The following ENOX1 variants were observed in gnomAD, a reference collection of about 807,000 sequenced individuals.
ENOX1 encodes ecto-NOX disulfide-thiol exchanger 1.
Under a neutral mutation model 82.5 loss-of-function variants are expected in ENOX1, and 42 were observed. The observed-to-expected ratio is 0.51, with a 90% CI of 0.40 to 0.66. The LOEUF is 0.66. Among genes scored for constraint, ENOX1 ranks in the 30% least tolerant of loss-of-function variants. The pLI, the probability that ENOX1 is intolerant of heterozygous loss-of-function variation, is 0.00. For synonymous variants in ENOX1, 271 were observed against 282.2 expected, an observed-to-expected ratio of 0.96 and a Z score of 0.40; for missense variants, 608 against 811.6, an observed-to-expected ratio of 0.75 and a Z score of 3.05.
intron 2 of ENOX1, among the ~76,000 whole-genome samples, chr13:43,629,765 C>A (rs979397882): frequency 2.6e-4 from 39 of 152,322 alleles, no homozygotes; most frequent in African/African-American, 9.4e-4. Flanking sequence ...GCCCTCACAT[C>A]TGCCATTTTA....
chr13:43,365,498 G>C (rs1400942464), intron 5 of ENOX1, among the ~76,000 whole-genome samples: 1 of 152,214 alleles, frequency 6.6e-6, no homozygotes, highest in African/African-American at 2.4e-5. Context: ...AGGTCCAGGT[G>C]GGGCAGCTGC....
At chr13:43,401,812 C>T (rs1334462606) in intron 5 of ENOX1, among the ~76,000 whole-genome samples, 1 of 152,172 alleles carries the variant, frequency 6.6e-6, no homozygotes, top group Non-Finnish European at 1.5e-5. Flanking sequence ...AGTCTAAAGG[C>T]TGCTTAGATC....
chr13:43,575,962 A>T (rs1351794436), intron 2 of ENOX1, among the ~76,000 whole-genome samples: 1 of 152,240 alleles, frequency 6.6e-6, no homozygotes, highest in Admixed American at 6.5e-5. Context: ...AAACTAAAAA[A>T]CAACTAAAAG....
chr13:43,357,211 T>A (rs974727874), intron 7 of ENOX1, among the ~76,000 whole-genome samples: 1 of 152,072 alleles, frequency 6.6e-6, no homozygotes, highest in African/African-American at 2.4e-5. Flanking sequence ...TATGGGGGCT[T>A]TGCAAATGAG....
chr13:43,480,782 T>C (rs1324133128), intron 3 of ENOX1, among the ~76,000 whole-genome samples: 2 of 152,038 alleles, frequency 1.3e-5, no homozygotes, highest in African/African-American at 4.8e-5. Context: ...ACACACAACC[T>C]ACCAAGACTA....
chr13:43,285,896 C>T (rs1369286564), intron 12 of ENOX1, among the ~76,000 whole-genome samples: 1 of 148,256 alleles, frequency 6.7e-6, no homozygotes, highest in Non-Finnish European at 1.5e-5. Context: ...GTCCCCCCAT[C>T]AAATTTCTCC....
chr13:43,564,451 G>C (rs893858309), intron 2 of ENOX1, among the ~76,000 whole-genome samples: 37 of 151,940 alleles, frequency 2.4e-4, no homozygotes, highest in African/African-American at 8.4e-4. Flanking sequence ...AAAGAAAAAA[G>C]AAATGCAATG....
At chr13:43,639,878 C>T (rs1464442247) in intron 2 of ENOX1, among the ~76,000 whole-genome samples, 2 of 151,996 alleles carry the variant, frequency 1.3e-5, no homozygotes, top group South Asian at 2.1e-4. Context: ...AAAATATGAA[C>T]ATTAGCCAGG....
At chr13:43,675,344 G>A (rs907416580) in intron 1 of ENOX1, among the ~76,000 whole-genome samples, 4 of 152,188 alleles carry the variant, frequency 2.6e-5, no homozygotes, top group African/African-American at 9.6e-5. Flanking sequence ...CATGCACTGA[G>A]ATGGGGAAAA....
chr13:43,766,205 C>T (rs1345571190), intron 1 of ENOX1, among the ~76,000 whole-genome samples: 2 of 152,112 alleles, frequency 1.3e-5, no homozygotes, highest in East Asian at 3.9e-4. Flanking sequence ...TCTGGAAAAA[C>T]AGGTCCCTGA....
intron 5 of ENOX1, among the ~76,000 whole-genome samples, chr13:43,411,658 C>G (rs1012456458): frequency 7.2e-5 from 11 of 152,094 alleles, no homozygotes; most frequent in African/African-American, 2.7e-4. Context: ...TTCTATTTAC[C>G]AATTTTAAAA....
At chr13:43,464,656 C>A (rs1263989265) in intron 3 of ENOX1, among the ~76,000 whole-genome samples, 1 of 152,264 alleles carries the variant, frequency 6.6e-6, no homozygotes, top group African/African-American at 2.4e-5. Flanking sequence ...ACATACTCCT[C>A]CCCCACTTTC....
intron 5 of ENOX1, among the ~76,000 whole-genome samples, chr13:43,392,254 AC>A (rs1359568469): frequency 1.3e-5 from 2 of 152,228 alleles, no homozygotes; most frequent in Non-Finnish European, 2.9e-5. Flanking sequence ...CAATCAGTTT[AC>A]TTGTTTACTA....
chr13:43,346,588 A>G (rs773937775), intron 8 of ENOX1, among the ~76,000 whole-genome samples: 116 of 152,202 alleles, frequency 7.6e-4, no homozygotes, highest in South Asian at 1.5e-3. Flanking sequence ...ATTTCAGTCT[A>G]AGTTCAACCC....
intron 2 of ENOX1, among the ~76,000 whole-genome samples, chr13:43,491,529 G>A (rs1258565619): frequency 6.6e-6 from 1 of 152,168 alleles, no homozygotes; most frequent in Non-Finnish European, 1.5e-5. Context: ...AGCACTCTGG[G>A]AGGCTGAGGA....
At chr13:43,364,259 A>G (rs545367206) in intron 5 of ENOX1, among the ~76,000 whole-genome samples, 32 of 152,362 alleles carry the variant, frequency 2.1e-4, no homozygotes, top group East Asian at 7.7e-4. Context: ...AATCAGTTCC[A>G]TGCCCTGTTA....
chr13:43,716,723 C>T (rs536905718), intron 1 of ENOX1, among the ~76,000 whole-genome samples: 76 of 152,008 alleles, frequency 5.0e-4, no homozygotes, highest in Non-Finnish European at 9.0e-4. Flanking sequence ...CAGTAGCAGT[C>T]CTATACAGCT....
chr13:43,494,823 CAGTT>C (rs2076739181), intron 2 of ENOX1, among the ~76,000 whole-genome samples: 3 of 151,906 alleles, frequency 2.0e-5, no homozygotes. Context: ...TTGAATAGGT[CAGTT>C]AGACAGCAGT....
chr13:43,602,024 G>T lies in ENOX1; in HGVS notation c.-219+65455C>A, dbSNP rs554901107. ...CAAACACATGGAAATTAGACAATAA[G>T]CTCCTAAATGACTAGTGGGCCAATG... On this transcript the variant is annotated intron_variant, in intron 2 of 16. Transcript: ENST00000690772. Among the ~76,000 whole-genome samples, 5 of 151,994 alleles carry T rather than the reference G, an allele frequency of 3.3e-5. No individual in the cohort carries two copies. The South Asian group carries it at 8.3e-4, about 25-fold the overall frequency.
Sources: gnomAD v4.1 joint callset for allele counts (sites outside exome capture counted in the v4.1 genomes callset) on GRCh38, gnomAD v4.1.1 for gene constraint, MANE v1.5 for transcripts, NCBI Gene and HGNC (gene_info 2026-07-23, HGNC 2026-07-21) for gene names.